Variants in TLR7 observed in about 807,000 individuals in gnomAD.
TLR7 encodes toll-like receptor 7.
Under a neutral mutation model 38.3 loss-of-function variants are expected in TLR7, and 12 were observed. That is an observed-to-expected ratio of 0.31 (90% CI 0.20 to 0.51). The LOEUF is 0.51. Ranked by LOEUF, TLR7 falls within the 20% of genes least tolerant of loss-of-function variation. The pLI is 0.98. For synonymous variants in TLR7, 285 were observed against 293.8 expected, an observed-to-expected ratio of 0.97 and a Z score of 0.31; for missense variants, 504 against 743.4, an observed-to-expected ratio of 0.68 and a Z score of 3.74.
intron 2 of TLR7, chrX:12,877,294 G>A (rs1182186224): frequency 9.3e-6 from 1 of 107,767 alleles, no homozygotes; most frequent in Non-Finnish European, 1.9e-5. Context: ...TGCCAGCTAT[G>A]ACCTCTGGGC....
intron 2 of TLR7, among the ~76,000 whole-genome samples, chrX:12,879,302 C>T (rs1301701479): frequency 8.9e-6 from 1 of 112,027 alleles, no homozygotes; most frequent in African/African-American, 3.2e-5. Flanking sequence ...TCCCAATAGC[C>T]TGATGACATC....
chrX:12,881,247 A>AATG (rs2042890339), intron 2 of TLR7, among the ~76,000 whole-genome samples: 1 of 106,409 alleles, frequency 9.4e-6, no homozygotes, highest in South Asian at 4.0e-4. Context: ...TAATAATAAT[A>AATG]ATAATAATAA....
chrX:12,887,221 G>T lies in TLR7; in HGVS notation c.1713G>T (p.Leu571=). The part of the protein sequence containing the change: ...AFEELHKLEV[L]DISSNSHYFQ... ...AAGAGCTTCACAAACTGGAAGTTCTGGATATAAGCAGTAATAGCCATTATT... is the reference window on the plus strand; with the variant it reads ...AAGAGCTTCACAAACTGGAAGTTCTTGATATAAGCAGTAATAGCCATTATT... The change falls in exon 3 of 3, where the codon CTG becomes CTT. Residue 571 remains leucine (L), a synonymous_variant. Coordinates refer to ENST00000380659, the MANE Select transcript of TLR7 (RefSeq NM_016562.4). 1 of 1,210,781 alleles carries T rather than the reference G, an allele frequency of 8.3e-7. No individual in the cohort carries two copies. The highest frequency in any genetic ancestry group is 1.1e-6 in the Non-Finnish European group (1 of 895,127).
In TLR7 at chrX:12,885,643, C is replaced by A; in HGVS notation, c.135C>A (p.Asn45Lys). The part of the protein sequence containing the change: ...PCDVTLDVPK[N>K]HVIVDCTDKH... ...ATGTCACTCTGGATGTTCCAAAGAA[C>A]CATGTGATCGTGGACTGCACAGACA... is the stretch of plus-strand genomic sequence containing the variant. Residue 45 changes from asparagine (N) to lysine (K), a missense_variant, in exon 3 of 3, where the codon AAC becomes AAA. Physicochemically the swap from Asn to Lys is moderately conservative, Grantham distance 94 (BLOSUM62 0). Transcript: ENST00000380659. The A allele has an allele frequency of 8.3e-7, 1 of 1,211,943 alleles. No homozygotes were observed. The highest frequency in any genetic ancestry group is 1.1e-6 in the Non-Finnish European group (1 of 895,592).
chrX:12,869,140 G>A (rs146244166), intron 2 of TLR7, among the ~76,000 whole-genome samples: 2 of 111,656 alleles, frequency 1.8e-5, no homozygotes, highest in East Asian at 2.8e-4. Flanking sequence ...CAGCACACAC[G>A]CAATAAAGAT....
Position 12,886,610 on chromosome X carries a change from T to C in TLR7, c.1102T>C (p.Ser368Pro). 1 of 1,212,192 alleles carries C rather than the reference T, an allele frequency of 8.2e-7. No homozygotes were observed. Among genetic ancestry groups the C allele is most frequent in the Non-Finnish European group, 1.1e-6 (1 of 895,622 alleles). Residue 368 changes from serine to proline, a missense_variant, in exon 3 of 3, where the codon TCA (serine) becomes CCA (proline). Physicochemically the swap from Ser to Pro is moderately conservative, Grantham distance 74 (BLOSUM62 -1). Coordinates refer to ENST00000380659, the MANE Select transcript of TLR7 (RefSeq NM_016562.4). ...TATGAATCTATCACAAGCATTTTCT[T>C]CACTGAAAAGCCTGAAAATTCTGCG... ...ASMNLSQAFS[S>P]LKSLKILRIR...
At chrX:12,876,323 G>C (rs179016) in intron 2 of TLR7, among the ~76,000 whole-genome samples, 53,883 of 110,444 alleles carry the variant, frequency 0.49, 10,916 homozygotes, top group African/African-American at 0.79. Context: ...CCCCAAAACC[G>C]CTAAGTAGCA....
intron 2 of TLR7, among the ~76,000 whole-genome samples, chrX:12,873,880 C>T (rs1205314382): frequency 8.9e-6 from 1 of 112,324 alleles, no homozygotes; most frequent in African/African-American, 3.2e-5. Flanking sequence ...ACAGCTCTAC[C>T]ACATTCTTTT....
intron 2 of TLR7, among the ~76,000 whole-genome samples, chrX:12,870,456 AAATT>A (rs761719248): frequency 3.3e-3 from 375 of 112,546 alleles, no homozygotes; most frequent in Non-Finnish European, 6.0e-3. Context: ...TCAATTTATT[AAATT>A]AATACAATCT....
At chrX:12,872,657 ACCT>A (rs1224067407) in intron 2 of TLR7, among the ~76,000 whole-genome samples, 2 of 109,768 alleles carry the variant, frequency 1.8e-5, no homozygotes, top group Admixed American at 9.7e-5. Context: ...TTGACAGGAA[ACCT>A]CCTAGAAATG....
In TLR7 at chrX:12,875,189, C is replaced by G. The variant is rs5743743; in HGVS notation, c.3+7608C>G. On this transcript the variant is annotated intron_variant, in intron 2 of 2. Coordinates refer to ENST00000380659, the MANE Select transcript of TLR7 (RefSeq NM_016562.4). Reference sequence around the variant, plus strand: ...TGTTACCTTTAGGCCTGACTTAGCCCTTGCCCCACAATCTATTGTTTTTTC... The same window carrying G: ...TGTTACCTTTAGGCCTGACTTAGCCGTTGCCCCACAATCTATTGTTTTTTC... Among the ~76,000 whole-genome samples, 797 of 111,543 alleles carry G rather than the reference C, an allele frequency of 7.1e-3. 10 individuals carry two copies. Among genetic ancestry groups the G allele is most frequent in the African/African-American group, 0.025 (767 of 30,696 alleles).
At chrX:12,871,163 C>T (rs771686554) in intron 2 of TLR7, among the ~76,000 whole-genome samples, 1 of 111,675 alleles carries the variant, frequency 9.0e-6, no homozygotes, top group Admixed American at 9.5e-5. Context: ...TGTACTTAAA[C>T]GTTTTGGTGA....
At position 12,889,508 on chromosome X, in the gene TLR7, G is replaced by C. The variant is rs1440495816; in HGVS notation, c.*850G>C. 2 of 113,084 alleles carry C rather than the reference G, an allele frequency of 1.8e-5. No individual in the cohort carries two copies. Among genetic ancestry groups the C allele is most frequent in the Non-Finnish European group, 3.7e-5 (2 of 53,643 alleles). 9.3% of individuals were successfully genotyped at this position (113,084 alleles called of 1,213,427 possible). On this transcript the variant is annotated 3_prime_UTR_variant, in exon 3 of 3. Transcript: ENST00000380659. ...GATTGAGTGTGGGCACCACACAGGT[G>C]GTTGCTGCTTCAGTGCTTCCTGCTC...
intron 2 of TLR7, among the ~76,000 whole-genome samples, chrX:12,871,112 C>G (rs961835502): frequency 6.3e-5 from 7 of 111,504 alleles, no homozygotes; most frequent in Non-Finnish European, 1.3e-4. Flanking sequence ...TAAATGATAA[C>G]TCTCTCCTTT....
At chrX:12,880,512 G>A (rs1348488159) in intron 2 of TLR7, among the ~76,000 whole-genome samples, 3 of 112,143 alleles carry the variant, frequency 2.7e-5, no homozygotes, top group Non-Finnish European at 5.6e-5. Context: ...TATGAAAACA[G>A]AGCTTCTTAA....
chrX:12,876,976 G>C (rs916526907), intron 2 of TLR7, among the ~76,000 whole-genome samples: 2 of 110,405 alleles, frequency 1.8e-5, no homozygotes, highest in African/African-American at 6.6e-5. Context: ...ATTTGTATCA[G>C]ATGGACAAAA....
chrX:12,867,331 A>C (rs768210650), intron 1 of TLR7, 150 bp from the exon 2 acceptor site: 18 of 288,638 alleles, frequency 6.2e-5, no homozygotes, highest in Non-Finnish European at 9.9e-5. Context: ...GTTTTCTGGA[A>C]TATGTCTCCA....
At chrX:12,882,824 T>C (rs2042897231) in intron 2 of TLR7, among the ~76,000 whole-genome samples, 2 of 111,944 alleles carry the variant, frequency 1.8e-5, no homozygotes, top group African/African-American at 6.5e-5. Flanking sequence ...CTTCATGTTT[T>C]TAACTCAATT....
chrX:12,890,197 G>A lies in TLR7; in HGVS notation c.*1539G>A, dbSNP rs761079754. 8.9e-6 allele frequency: 1 copy of A among 112,957 alleles called. No homozygotes were observed. Among genetic ancestry groups the A allele is most frequent in the South Asian group, 3.6e-4 (1 of 2,764 alleles). The allele number at this position is 112,957 out of a possible 1,213,427, so 9.3% of individuals were successfully genotyped here. ...GCATGTGTTCAAGCCTTAGATTGGC[G>A]ATGTCGTATTTTCCTCACGTGTGGC... On this transcript the variant is annotated 3_prime_UTR_variant, in exon 3 of 3. Transcript: ENST00000380659.
Sources: gnomAD v4.1 joint callset for allele counts (sites outside exome capture counted in the v4.1 genomes callset) on GRCh38, gnomAD v4.1.1 for gene constraint, MANE v1.5 for transcripts, NCBI Gene and HGNC (gene_info 2026-07-23, HGNC 2026-07-21) for gene names.